Variants in IL1RN observed in about 807,000 individuals in gnomAD.
IL1RN encodes the protein interleukin 1 receptor antagonist.
A neutral mutation model predicts 13.7 loss-of-function variants in IL1RN; 10 were observed. The ratio of observed to expected loss-of-function variants is 0.73; its 90% CI spans 0.45 to 1.24. IL1RN has a LOEUF of 1.24. Ranked by LOEUF, IL1RN falls within the 50% of genes most tolerant of loss-of-function variation. The pLI is 0.00. For missense variants in IL1RN, 213 were observed against 222.1 expected (o/e 0.96, Z 0.26); for synonymous variants, 102 against 82.7 (o/e 1.23, Z -1.27).
At chr2:113,120,199 G>A (rs1558863786) in intron 2 of IL1RN, 1 of 1,033,960 alleles carries the variant, frequency 9.7e-7, no homozygotes, top group Non-Finnish European at 1.5e-6. Flanking sequence ...TCTTGATTAT[G>A]TAGTTGAAGG....
chr2:113,102,423 A>T (rs545556904), upstream of IL1RN, among the ~76,000 whole-genome samples: 6 of 152,240 alleles, frequency 3.9e-5, no homozygotes, highest in Admixed American at 3.3e-4. Flanking sequence ...TGATATGTGG[A>T]TTGTGGAGGG....
In IL1RN at chr2:113,132,657, C is replaced by T; in HGVS notation, c.320C>T (p.Ala107Val). Residue 107 changes from alanine to valine, a missense_variant and splice_region_variant, in exon 4 of 4, where the codon GCA (alanine) becomes GTA (valine). Physicochemically the swap from Ala to Val is moderately conservative, Grantham distance 64 (BLOSUM62 0). Coordinates refer to ENST00000409930, the MANE Select transcript of IL1RN (RefSeq NM_173842.3). ...SGDETRLQLE[A>V]VNITDLSENR... ...ACCTGCCCATCTTTTGATTTCCAGG[C>T]AGTTAACATCACTGACCTGAGCGAG... The T allele has an allele frequency of 6.2e-7, 1 of 1,613,812 alleles. No individual in the cohort carries two copies. Among genetic ancestry groups the T allele is most frequent in the Admixed American group, 1.7e-5 (1 of 60,016 alleles).
At chr2:113,107,731 A>T (rs1441994811), upstream of IL1RN, among the ~76,000 whole-genome samples, 1 of 152,150 alleles carries the variant, frequency 6.6e-6, no homozygotes, top group African/African-American at 2.4e-5. Flanking sequence ...AGACTGCCTC[A>T]AAACCAAACC....
At chr2:113,102,250 T>C (rs1686325609), upstream of IL1RN, among the ~76,000 whole-genome samples, 1 of 152,226 alleles carries the variant, frequency 6.6e-6, no homozygotes, top group South Asian at 2.1e-4. Context: ...TGGCCTTTCC[T>C]TGGTGTCTGT....
chr2:113,107,705 T>A (rs932646986), upstream of IL1RN, among the ~76,000 whole-genome samples: 5 of 152,190 alleles, frequency 3.3e-5, no homozygotes, highest in African/African-American at 9.6e-5. Context: ...TGCACTCCAG[T>A]CTGGGTGACA....
At position 113,132,903 on chromosome 2, in the gene IL1RN, C is replaced by T. The variant is rs1332479087; in HGVS notation, c.*32C>T. The T allele has an allele frequency of 1.2e-6, 2 of 1,601,328 alleles. No individual in the cohort carries two copies. The highest frequency in any genetic ancestry group is 1.7e-6 in the Non-Finnish European group (2 of 1,168,492). On this transcript the variant is annotated 3_prime_UTR_variant, in exon 4 of 4. Transcript: ENST00000409930. ...CCAGGCCTGCCTGTTCCCATTCTTG[C>T]ATGGCAAGGACTGCAGGGACTGCCA... is the stretch of plus-strand genomic sequence containing the variant.
Position 113,132,882 on chromosome 2 carries a change from G to A in IL1RN, c.*11G>A, listed in dbSNP as rs757252501. The A allele has an allele frequency of 6.2e-6, 10 of 1,612,550 alleles. No homozygotes were observed. The East Asian group carries it at 2.0e-4, about 32-fold the overall frequency. ...CAGGAGGACGAGTAGTACTGCCCAGGCCTGCCTGTTCCCATTCTTGCATGG... is the reference window on the plus strand; with the variant it reads ...CAGGAGGACGAGTAGTACTGCCCAGACCTGCCTGTTCCCATTCTTGCATGG... On this transcript the variant is annotated 3_prime_UTR_variant, in exon 4 of 4. Coordinates refer to ENST00000409930, the MANE Select transcript of IL1RN (RefSeq NM_173842.3).
At chr2:113,107,486 A>G (rs1413492200), upstream of IL1RN, 4 of 152,030 alleles carry the variant, frequency 2.6e-5, no homozygotes, top group Non-Finnish European at 5.9e-5. Flanking sequence ...CACTTTGGGA[A>G]GCCAAGGAAC....
At chr2:113,110,797 A>C (rs189518083), upstream of IL1RN, among the ~76,000 whole-genome samples, 8 of 151,972 alleles carry the variant, frequency 5.3e-5, no homozygotes, top group South Asian at 8.3e-4. Flanking sequence ...ACAAATGTTA[A>C]CTCCTTTCTA....
At chr2:113,103,907 T>C (rs915184012), upstream of IL1RN, among the ~76,000 whole-genome samples, 2 of 151,946 alleles carry the variant, frequency 1.3e-5, no homozygotes, top group Admixed American at 6.6e-5. Context: ...AGGGAGAAAG[T>C]AGGTAATATT....
intron 2 of IL1RN, chr2:113,129,940 G>A (rs1240480545): frequency 6.7e-6 from 3 of 449,588 alleles, no homozygotes; most frequent in South Asian, 2.2e-5. Flanking sequence ...AATACCAGAA[G>A]GCAAGGTTGA....
intron 2 of IL1RN, among the ~76,000 whole-genome samples, chr2:113,120,436 C>A (rs1158455150): frequency 6.6e-6 from 1 of 152,078 alleles, no homozygotes; most frequent in Non-Finnish European, 1.5e-5. Context: ...ACTACACTGG[C>A]AGGGTACAAT....
At chr2:113,123,231 A>T (rs375773870), upstream of IL1RN, among the ~76,000 whole-genome samples, 15 of 152,334 alleles carry the variant, frequency 9.8e-5, no homozygotes, top group South Asian at 2.9e-3. Context: ...TAGACAAAAC[A>T]TATTTCCAAA....
chr2:113,129,174 C>T (rs541816313), intron 1 of IL1RN, among the ~76,000 whole-genome samples: 2 of 152,326 alleles, frequency 1.3e-5, no homozygotes. Context: ...ACACTATCCA[C>T]ATTTAAAGAG....
At chr2:113,120,310 A>G (rs1261427593) in intron 2 of IL1RN, among the ~76,000 whole-genome samples, 1 of 152,126 alleles carries the variant, frequency 6.6e-6, no homozygotes, top group East Asian at 1.9e-4. Flanking sequence ...CAGACTCACT[A>G]AGGTTTTTGA....
At chr2:113,108,409 C>T (rs952179390), upstream of IL1RN, among the ~76,000 whole-genome samples, 1 of 151,726 alleles carries the variant, frequency 6.6e-6, no homozygotes, top group African/African-American at 2.4e-5. Flanking sequence ...ATCCGTCCCC[C>T]CTCCCCCACC....
chr2:113,099,986 G>A, the IL1RN span, among the ~76,000 whole-genome samples: 2 of 135,100 alleles, frequency 1.5e-5, no homozygotes. Context: ...CGCCCGCCTC[G>A]GCCTCCCAAA....
chr2:113,117,115 TCCC>T (rs1283247979), upstream of IL1RN, among the ~76,000 whole-genome samples: 334 of 152,282 alleles, frequency 2.2e-3, 1 homozygote, highest in African/African-American at 7.8e-3. Context: ...GCAGGTTCGC[TCCC>T]AACGGCAAAA....
chr2:113,112,709 G>C (rs1686522434), intron 1 of IL1RN, among the ~76,000 whole-genome samples: 1 of 152,134 alleles, frequency 6.6e-6, no homozygotes, highest in South Asian at 2.1e-4. Context: ...CCTCTTCCGT[G>C]CTCCCACAAA....
Sources: gnomAD v4.1 joint callset for allele counts (sites outside exome capture counted in the v4.1 genomes callset) on GRCh38, gnomAD v4.1.1 for gene constraint, MANE v1.5 for transcripts, NCBI Gene and HGNC (gene_info 2026-07-23, HGNC 2026-07-21) for gene names.